CDH12: variants seen among roughly 807,000 people sequenced by gnomAD.
CDH12 encodes the protein cadherin-12.
CDH12 carries 41 observed loss-of-function variants against 74.1 expected under a neutral mutation model. That is an observed-to-expected ratio of 0.55 (90% CI 0.43 to 0.72). CDH12 has a LOEUF of 0.72. Among genes scored for constraint, CDH12 ranks in the 30% least tolerant of loss-of-function variants. The pLI is 0.00. For missense variants in CDH12, 945 were observed against 977.2 expected, an observed-to-expected ratio of 0.97 and a Z score of 0.44; for synonymous variants, 399 against 355.0, an observed-to-expected ratio of 1.12 and a Z score of -1.39.
intron 1 of CDH12, among the ~76,000 whole-genome samples, chr5:22,815,310 C>T (rs1749333677): frequency 6.6e-6 from 1 of 152,152 alleles, no homozygotes; most frequent in African/African-American, 2.4e-5. Flanking sequence ...ATACTCGTAT[C>T]TATTACCCGA....
chr5:21,958,319 T>G (rs2150107786), intron 6 of CDH12, among the ~76,000 whole-genome samples: 1 of 152,256 alleles, frequency 6.6e-6, no homozygotes, highest in South Asian at 2.1e-4. Context: ...TTTATGAATT[T>G]TTGCTTTTGT....
intron 3 of CDH12, among the ~76,000 whole-genome samples, chr5:22,302,871 C>T (rs1170349438): frequency 1.3e-5 from 2 of 152,116 alleles, no homozygotes; most frequent in Admixed American, 6.6e-5. Context: ...TACACACACA[C>T]ATGATTTCTG....
intron 5 of CDH12, among the ~76,000 whole-genome samples, chr5:22,006,542 T>C (rs1033524941): frequency 1.1e-4 from 17 of 152,168 alleles, no homozygotes; most frequent in Non-Finnish European, 1.3e-4. Context: ...ATAGTAAACA[T>C]TACTCATAAT....
chr5:22,395,682 T>C (rs940179433), intron 3 of CDH12, among the ~76,000 whole-genome samples: 1 of 152,082 alleles, frequency 6.6e-6, no homozygotes, highest in Non-Finnish European at 1.5e-5. Flanking sequence ...AGTTTGATAT[T>C]TGGGTCTGAA....
intron 5 of CDH12, among the ~76,000 whole-genome samples, chr5:22,073,929 A>G (rs1204132478): frequency 6.6e-6 from 1 of 152,120 alleles, no homozygotes; most frequent in Non-Finnish European, 1.5e-5. Flanking sequence ...ATTTCCACAT[A>G]CGCTCTTTCT....
chr5:22,173,103 G>A (rs755045018), intron 4 of CDH12, among the ~76,000 whole-genome samples: 9 of 151,060 alleles, frequency 6.0e-5, no homozygotes, highest in Non-Finnish European at 1.2e-4. Context: ...TCTGTCCTCC[G>A]TAATACATCA....
chr5:22,273,850 C>G (rs1276058137), intron 3 of CDH12, among the ~76,000 whole-genome samples: 1 of 152,056 alleles, frequency 6.6e-6, no homozygotes, highest in South Asian at 2.1e-4. Flanking sequence ...AAACTTAAAA[C>G]GTGCAAAAAC....
intron 7 of CDH12, among the ~76,000 whole-genome samples, chr5:21,842,715 A>G (rs563142389): frequency 9.8e-5 from 15 of 152,320 alleles, no homozygotes; most frequent in African/African-American, 3.1e-4. Flanking sequence ...GGTTGAAATG[A>G]GTATGCAATT....
chr5:21,775,527 T>TAAGG (rs1293642354), intron 11 of CDH12, among the ~76,000 whole-genome samples: 3 of 152,142 alleles, frequency 2.0e-5, no homozygotes, highest in African/African-American at 4.8e-5. Flanking sequence ...GTCTACTCCT[T>TAAGG]GACAGCAACT....
chr5:21,796,460 T>G (rs920335794), intron 10 of CDH12, among the ~76,000 whole-genome samples: 1 of 152,016 alleles, frequency 6.6e-6, no homozygotes, highest in Non-Finnish European at 1.5e-5. Context: ...CATTGCAAAG[T>G]GAAAACATTG....
At chr5:22,572,697 G>A (rs561853435) in intron 1 of CDH12, among the ~76,000 whole-genome samples, 1 of 151,680 alleles carries the variant, frequency 6.6e-6, no homozygotes, top group Non-Finnish European at 1.5e-5. Flanking sequence ...TACTGAAAGG[G>A]CTAAAACTCA....
chr5:22,487,281 C>T (rs1746647637), intron 2 of CDH12, among the ~76,000 whole-genome samples: 1 of 152,122 alleles, frequency 6.6e-6, no homozygotes, highest in South Asian at 2.1e-4. Context: ...GGATTACAGG[C>T]ATGAGCCACT....
At chr5:22,417,635 G>C (rs1473253077) in intron 2 of CDH12, among the ~76,000 whole-genome samples, 1 of 152,156 alleles carries the variant, frequency 6.6e-6, no homozygotes, top group East Asian at 1.9e-4. Context: ...AAGTAGGACA[G>C]CAAGTCTTTT....
chr5:22,458,305 C>T (rs2126578694), intron 2 of CDH12, among the ~76,000 whole-genome samples: 1 of 152,246 alleles, frequency 6.6e-6, no homozygotes, highest in South Asian at 2.1e-4. Context: ...TATCTCTGTC[C>T]TCTCCTCTTC....
At chr5:21,928,754 AT>A (rs75541445) in intron 6 of CDH12, among the ~76,000 whole-genome samples, 20,690 of 152,122 alleles carry the variant, frequency 0.14, 1,552 homozygotes, top group African/African-American at 0.18. Flanking sequence ...GAACTGAGTA[AT>A]GCTATCAGAT....
At chr5:22,820,582 A>G (rs914704148) in intron 1 of CDH12, among the ~76,000 whole-genome samples, 5 of 152,200 alleles carry the variant, frequency 3.3e-5, no homozygotes, top group Non-Finnish European at 7.3e-5. Flanking sequence ...AATACAAACT[A>G]CCATCAGAGA....
Position 22,691,199 on chromosome 5 carries a change from G to T in CDH12, c.-523+161859C>A, listed in dbSNP as rs145254014. Among the ~76,000 whole-genome samples the T allele has an allele frequency of 6.1e-3, 922 of 152,190 alleles. 7 individuals are homozygous for T. Among genetic ancestry groups the T allele is most frequent in the Middle Eastern group, 0.027 (8 of 294 alleles). On this transcript the variant is annotated intron_variant, in intron 1 of 14. Coordinates refer to ENST00000382254, the MANE Select transcript of CDH12 (RefSeq NM_004061.5). The stretch of plus-strand genomic sequence containing the variant: ...ATATAAAACTATACATGTATTTCTT[G>T]CATAGAACTGAAAAAAGCCTGTGCT...
In CDH12 at chr5:22,244,740, A is replaced by AAAAGAAAGAAAGAAAG. The variant is rs200900772; in HGVS notation, c.-332-32113_-332-32098dup. 6.1e-3 allele frequency among the ~76,000 whole-genome samples: 564 copies of AAAAGAAAGAAAGAAAG among 92,604 alleles called. 6 individuals are homozygous for AAAAGAAAGAAAGAAAG. Among genetic ancestry groups the AAAAGAAAGAAAGAAAG allele is most frequent in the Middle Eastern group, 0.012 (2 of 172 alleles). The allele number at this position is 92,604 out of a possible 152,430, so 60.8% of individuals were successfully genotyped here. On this transcript the variant is annotated intron_variant, in intron 3 of 14. Transcript: ENST00000382254. The stretch of plus-strand genomic sequence containing the variant: ...GAGAGAGAAAGAAAAAGAAAGAAAG[A>AAAAGAAAGAAAGAAAG]AAAGAAAGAAAGAAAGAAAGAAAGA...
intron 6 of CDH12, among the ~76,000 whole-genome samples, chr5:21,936,906 C>G (rs904038167): frequency 6.6e-6 from 1 of 152,152 alleles, no homozygotes; most frequent in East Asian, 1.9e-4. Flanking sequence ...TCACCTTCCA[C>G]CATGATTATA....
Sources: gnomAD v4.1 joint callset for allele counts (sites outside exome capture counted in the v4.1 genomes callset) on GRCh38, gnomAD v4.1.1 for gene constraint, MANE v1.5 for transcripts, NCBI Gene and HGNC (gene_info 2026-07-23, HGNC 2026-07-21) for gene names.